Variants in ZNF277 observed in about 807,000 individuals in gnomAD.
The protein encoded by ZNF277 is nuclear receptor-interacting factor 4.
A neutral mutation model predicts 60.7 loss-of-function variants in ZNF277; 55 were observed. The ratio of observed to expected loss-of-function variants is 0.91; its 90% CI spans 0.73 to 1.13. The LOEUF (loss-of-function observed/expected upper bound fraction) is 1.13. Ranked by LOEUF, ZNF277 falls within the 50% of genes most tolerant of loss-of-function variation. ZNF277 has a pLI of 0.00. For missense variants in ZNF277, 510 were observed against 523.0 expected (o/e 0.98, Z 0.24); for synonymous variants, 178 against 179.3 (o/e 0.99, Z 0.06).
intron 1 of ZNF277, among the ~76,000 whole-genome samples, chr7:112,260,743 A>G (rs1361753956): frequency 6.6e-6 from 1 of 152,202 alleles, no homozygotes; most frequent in Admixed American, 6.5e-5. Context: ...CAAAATGGGA[A>G]TGAAATCAGG....
chr7:112,263,169 A>G (rs1039742919), intron 1 of ZNF277, among the ~76,000 whole-genome samples: 1 of 152,210 alleles, frequency 6.6e-6, no homozygotes, highest in Admixed American at 6.6e-5. Context: ...ACGTACTTGT[A>G]AGGCACAGTC....
chr7:112,239,453 A>T (rs566739266), intron 1 of ZNF277, among the ~76,000 whole-genome samples: 61 of 152,196 alleles, frequency 4.0e-4, no homozygotes, highest in Admixed American at 3.5e-3. Flanking sequence ...TTCAGGTCTG[A>T]CTCAGCACAG....
intron 1 of ZNF277, among the ~76,000 whole-genome samples, chr7:112,260,133 G>A (rs912046302): frequency 6.6e-6 from 1 of 152,098 alleles, no homozygotes; most frequent in African/African-American, 2.4e-5. Flanking sequence ...CGGCATGGTG[G>A]TGTGCGCCTG....
At chr7:112,261,277 C>T (rs2117024467) in intron 1 of ZNF277, among the ~76,000 whole-genome samples, 1 of 152,316 alleles carries the variant, frequency 6.6e-6, no homozygotes, top group South Asian at 2.1e-4. Flanking sequence ...TAGTAAAGTA[C>T]ATACTTGAAG....
At chr7:112,337,231 G>A (rs143698072) in intron 8 of ZNF277, among the ~76,000 whole-genome samples, 135 of 152,272 alleles carry the variant, frequency 8.9e-4, no homozygotes, top group African/African-American at 2.8e-3. Flanking sequence ...CCTGTCTACC[G>A]CCAGATTTAA....
At chr7:112,229,027 A>G (rs1165465658) in intron 1 of ZNF277, among the ~76,000 whole-genome samples, 1 of 152,232 alleles carries the variant, frequency 6.6e-6, no homozygotes, top group African/African-American at 2.4e-5. Context: ...AACATCCTGC[A>G]TGAAGGGATG....
At chr7:112,230,152 C>T (rs948826284) in intron 1 of ZNF277, among the ~76,000 whole-genome samples, 3 of 152,010 alleles carry the variant, frequency 2.0e-5, no homozygotes, top group African/African-American at 2.4e-5. Context: ...GCTGGCTGGG[C>T]GCAGTGGCTC....
At chr7:112,229,043 T>C (rs759088147) in intron 1 of ZNF277, among the ~76,000 whole-genome samples, 147 of 152,368 alleles carry the variant, frequency 9.6e-4, no homozygotes, top group Non-Finnish European at 1.0e-4. Context: ...GGATGCTTTT[T>C]GTATTTATAT....
chr7:112,341,143 C>T (rs1793437373), intron 11 of ZNF277, 97 bp downstream of exon 11: 1 of 1,154,436 alleles, frequency 8.7e-7, no homozygotes, highest in Non-Finnish European at 1.2e-6. Context: ...AAAAGGAATA[C>T]ATATTTATTA....
intron 1 of ZNF277, among the ~76,000 whole-genome samples, chr7:112,270,972 A>T (rs1791656466): frequency 6.6e-6 from 1 of 152,090 alleles, no homozygotes; most frequent in South Asian, 2.1e-4. Flanking sequence ...GTGTAAAAAA[A>T]TCAGCATATT....
chr7:112,292,469 C>T (rs1486904110), intron 2 of ZNF277, among the ~76,000 whole-genome samples: 2 of 152,158 alleles, frequency 1.3e-5, no homozygotes, highest in Admixed American at 6.5e-5. Flanking sequence ...CATTTCTGTA[C>T]TTCTGGTTCT....
intron 4 of ZNF277, among the ~76,000 whole-genome samples, chr7:112,299,023 G>A (rs1205993316): frequency 6.6e-6 from 1 of 152,092 alleles, no homozygotes; most frequent in Non-Finnish European, 1.5e-5. Context: ...TTGGATTGAA[G>A]TTTAGGGAAA....
At chr7:112,263,161 G>A (rs901629709) in intron 1 of ZNF277, among the ~76,000 whole-genome samples, 3 of 152,162 alleles carry the variant, frequency 2.0e-5, no homozygotes, top group Non-Finnish European at 4.4e-5. Flanking sequence ...GTGGAGATAC[G>A]TACTTGTAAG....
intron 5 of ZNF277, among the ~76,000 whole-genome samples, chr7:112,323,351 A>G (rs1434486709): frequency 6.6e-6 from 1 of 152,228 alleles, no homozygotes. Context: ...TGATGTTACA[A>G]AATTGTCACT....
intron 6 of ZNF277, 51 bp downstream of exon 6, chr7:112,327,878 C>G (rs777973897): frequency 1.7e-6 from 2 of 1,181,904 alleles, no homozygotes; most frequent in Non-Finnish European, 2.4e-6. Context: ...ATCTTGGACT[C>G]TGTTGTGAAT....
intron 10 of ZNF277, 61 bp downstream of exon 10, chr7:112,339,946 G>A: frequency 6.7e-7 from 1 of 1,484,734 alleles, no homozygotes; most frequent in African/African-American, 1.4e-5. Flanking sequence ...CATCCTGTAA[G>A]CTATGCCTAT....
At chr7:112,270,519 A>G (rs2117037509) in intron 1 of ZNF277, among the ~76,000 whole-genome samples, 1 of 152,298 alleles carries the variant, frequency 6.6e-6, no homozygotes, top group African/African-American at 2.4e-5. Context: ...TGGCAAAAAT[A>G]CATATGAACC....
chr7:112,303,477 T>A (rs762847914), intron 4 of ZNF277, among the ~76,000 whole-genome samples: 9 of 152,112 alleles, frequency 5.9e-5, no homozygotes, highest in South Asian at 4.1e-4. Context: ...ACCTTGAGTT[T>A]ATACAGGAAA....
intron 6 of ZNF277, among the ~76,000 whole-genome samples, chr7:112,328,768 G>T (rs1037437874): frequency 1.7e-4 from 26 of 152,160 alleles, no homozygotes; most frequent in African/African-American, 6.0e-4. Context: ...TACTCAGGAG[G>T]CTGAGGCAGG....
Sources: allele counts gnomAD v4.1 joint callset (sites outside exome capture counted in the v4.1 genomes callset), GRCh38; gene constraint gnomAD v4.1.1; transcripts MANE v1.5; gene names NCBI Gene and HGNC (gene_info 2026-07-23, HGNC 2026-07-21).